The following RMDN2 variants were observed in gnomAD, a reference collection of about 807,000 sequenced individuals.
The protein encoded by RMDN2 is regulator of microtubule dynamics protein 2.
A neutral mutation model predicts 52.8 loss-of-function variants in RMDN2; 61 were observed. The ratio of observed to expected loss-of-function variants is 1.16; its 90% confidence interval spans 0.94 to 1.43. RMDN2 has a LOEUF of 1.43. Ranked by LOEUF, RMDN2 falls within the 40% of genes most tolerant of loss-of-function variation. RMDN2 has a pLI of 0.00. For missense variants in RMDN2, 592 were observed against 475.3 expected, an observed-to-expected ratio of 1.25 and a Z score of -2.28; for synonymous variants, 180 against 153.1, an observed-to-expected ratio of 1.18 and a Z score of -1.30.
At chr2:37,938,004 C>T (rs2124918497) in intron 2 of RMDN2, among the ~76,000 whole-genome samples, 1 of 152,252 alleles carries the variant, frequency 6.6e-6, no homozygotes, top group East Asian at 1.9e-4. Context: ...TTTGCCCATT[C>T]AATATGATAT....
chr2:37,992,529 A>G (rs1237364060), intron 7 of RMDN2, among the ~76,000 whole-genome samples: 1 of 152,208 alleles, frequency 6.6e-6, no homozygotes, highest in Non-Finnish European at 1.5e-5. Context: ...TGTTTTACTT[A>G]CTGTTTCTTT....
chr2:38,039,164 TAA>T (rs1396999302), intron 10 of RMDN2: 2 of 151,510 alleles, frequency 1.3e-5, no homozygotes, highest in East Asian at 3.9e-4. Flanking sequence ...TCATATGGAT[TAA>T]AACTAATCCA....
At chr2:37,973,944 A>T in intron 2 of RMDN2, 96 bp from the exon 3 acceptor site, 1 of 973,678 alleles carries the variant, frequency 1.0e-6, no homozygotes, top group Non-Finnish European at 1.6e-6. Flanking sequence ...AGTTTCAAGC[A>T]TAAGAGGGGC....
chr2:38,014,364 A>G, intron 10 of RMDN2, among the ~76,000 whole-genome samples: 1 of 152,230 alleles, frequency 6.6e-6, no homozygotes, highest in Non-Finnish European at 1.5e-5. Flanking sequence ...TTTGCATTTA[A>G]AATGTATTAT....
At chr2:38,012,727 C>T (rs1558552013) in intron 10 of RMDN2, 1 of 355,966 alleles carries the variant, frequency 2.8e-6, no homozygotes, top group African/African-American at 2.2e-5. Context: ...CCCTCCATCT[C>T]TATAAAGTTT....
intron 2 of RMDN2, among the ~76,000 whole-genome samples, chr2:37,930,082 G>A (rs1180268032): frequency 1.3e-5 from 2 of 152,180 alleles, no homozygotes; most frequent in Non-Finnish European, 1.5e-5. Flanking sequence ...AGAACTTTCC[G>A]CAGTGATGGA....
intron 1 of RMDN2, among the ~76,000 whole-genome samples, chr2:37,926,626 ATT>A (rs1666303810): frequency 6.6e-6 from 1 of 152,206 alleles, no homozygotes; most frequent in Non-Finnish European, 1.5e-5. Context: ...AGTGTATACT[ATT>A]AACATAATTA....
intron 10 of RMDN2, among the ~76,000 whole-genome samples, chr2:38,010,018 G>C (rs1189590331): frequency 6.6e-6 from 1 of 152,208 alleles, no homozygotes; most frequent in Non-Finnish European, 1.5e-5. Context: ...AGAGGCTGCA[G>C]AACAGTGGAT....
chr2:38,061,124 T>A (rs1682027211), intron 10 of RMDN2, among the ~76,000 whole-genome samples: 1 of 152,126 alleles, frequency 6.6e-6, no homozygotes, highest in Admixed American at 6.5e-5. Context: ...TGTTCTCTGG[T>A]TATTCTTTAG....
At chr2:37,951,898 A>G (rs958019785) in intron 2 of RMDN2, 1 of 1,611,826 alleles carries the variant, frequency 6.2e-7, no homozygotes, top group African/African-American at 1.4e-5. Context: ...CCCGATCAAC[A>G]AAATGGAATT....
chr2:38,013,560 T>C (rs563129847), intron 10 of RMDN2, among the ~76,000 whole-genome samples: 8 of 152,354 alleles, frequency 5.3e-5, no homozygotes, highest in African/African-American at 1.9e-4. Context: ...CCAACCTGTT[T>C]TATGAGTTGA....
Position 37,999,434 on chromosome 2 carries a change from T to C in RMDN2, c.1044+1920T>C, listed in dbSNP as rs570972151. ...ACGGAATTTTAATTTCATTAAAATT[T>C]AAACACCTCAGCAAACCATCTTGGG... is the stretch of plus-strand genomic sequence containing the variant. On this transcript the variant is annotated intron_variant, in intron 8 of 10. Transcript: ENST00000354545. Among the ~76,000 whole-genome samples, 3 of 152,272 alleles carry C rather than the reference T, an allele frequency of 2.0e-5. No homozygotes were observed. The South Asian group carries it at 6.2e-4, about 32-fold the overall frequency.
chr2:37,998,204 T>A (rs1186284541), intron 8 of RMDN2: 1 of 152,164 alleles, frequency 6.6e-6, no homozygotes, highest in Non-Finnish European at 1.5e-5. Context: ...TGTGTTTTCC[T>A]TCCCAACCTA....
chr2:38,017,540 A>C lies in RMDN2; in HGVS notation c.*301A>C, dbSNP rs1290411601. 3.5e-6 allele frequency: 4 copies of C among 1,135,694 alleles called. No individual in the cohort carries two copies. The highest frequency in any genetic ancestry group is 4.7e-6 in the Non-Finnish European group (4 of 859,668). 70.4% of individuals were successfully genotyped at this position (1,135,694 alleles called of 1,614,324 possible). On this transcript the variant is annotated 3_prime_UTR_variant, in exon 11 of 11. Coordinates refer to ENST00000354545, the MANE Select transcript of RMDN2 (RefSeq NM_001170791.3). The stretch of plus-strand genomic sequence containing the variant: ...TTAAATAAAATATTTAAATCCAATA[A>C]AATGAATTCTCATGAATATTTTATT...
intron 2 of RMDN2, chr2:37,951,954 G>T (rs1668873628): frequency 1.9e-6 from 3 of 1,613,460 alleles, no homozygotes; most frequent in Middle Eastern, 3.3e-4. Context: ...AGATTTAAAA[G>T]ATTTCCTTCA....
At chr2:38,004,824 A>T (rs1676837339) in intron 10 of RMDN2, among the ~76,000 whole-genome samples, 1 of 151,724 alleles carries the variant, frequency 6.6e-6, no homozygotes, top group African/African-American at 2.4e-5. Flanking sequence ...AGGTATATAT[A>T]TCTCCTAATG....
intron 2 of RMDN2, chr2:37,950,156 G>C (rs1307741324): frequency 4.8e-6 from 1 of 207,040 alleles, no homozygotes; most frequent in Non-Finnish European, 9.8e-6. Context: ...TCAAGTGAAA[G>C]AAGAAGGAGT....
At position 37,989,633 on chromosome 2, in the gene RMDN2, T is replaced by G. The variant is rs751827685; in HGVS notation, c.867+17T>G. The G allele has an allele frequency of 6.5e-7, 1 of 1,540,534 alleles. No homozygotes were observed. The highest frequency in any genetic ancestry group is 8.9e-7 in the Non-Finnish European group (1 of 1,124,494). ...CTCTTCAAGGTATTTCTTTTTTTTT[T>G]TTCATATTTCTTTTCAGATCCAGAC... On this transcript the variant is annotated intron_variant, in intron 6 of 10. Transcript: ENST00000354545.
upstream of RMDN2, among the ~76,000 whole-genome samples, chr2:37,923,875 G>A (rs909318661): frequency 6.6e-6 from 1 of 151,940 alleles, no homozygotes; most frequent in Non-Finnish European, 1.5e-5. Context: ...TTAACCTCCC[G>A]AGCAGCTGGG....
Sources: gnomAD v4.1 joint callset for allele counts (sites outside exome capture counted in the v4.1 genomes callset) on GRCh38, gnomAD v4.1.1 for gene constraint, MANE v1.5 for transcripts, NCBI Gene and HGNC (gene_info 2026-07-23, HGNC 2026-07-21) for gene names.